TMPRSS11B: variants seen among roughly 807,000 people sequenced by gnomAD.
TMPRSS11B encodes the protein transmembrane serine protease 11B, also known as transmembrane protease serine 11B.
TMPRSS11B carries 53 observed loss-of-function variants against 44.7 expected under a neutral mutation model. The ratio of observed to expected loss-of-function variants is 1.19; its 90% confidence interval spans 0.95 to 1.49. TMPRSS11B has a LOEUF of 1.49. Among genes scored for constraint, TMPRSS11B ranks in the 40% most tolerant of loss-of-function variants. The pLI is 0.00. For synonymous variants in TMPRSS11B, 140 were observed against 159.2 expected (o/e 0.88, Z 0.91); for missense variants, 526 against 494.8 (o/e 1.06, Z -0.60).
At chr4:68,242,255 A>G (rs1343566800) in intron 1 of TMPRSS11B, among the ~76,000 whole-genome samples, 1 of 78,624 alleles carries the variant, frequency 1.3e-5, no homozygotes, top group East Asian at 2.8e-4. Context: ...TATATATATT[A>G]TAATATATAT....
intron 2 of TMPRSS11B, 152 bp downstream of exon 2, chr4:68,241,537 A>G: frequency 3.5e-6 from 2 of 570,366 alleles, no homozygotes; most frequent in Non-Finnish European, 6.1e-6. Flanking sequence ...AAAAAATTTT[A>G]TAAATTTCTG....
intron 6 of TMPRSS11B, 58 bp from the exon 7 acceptor site, chr4:68,231,438 AAT>A (rs1719513848): frequency 6.9e-7 from 1 of 1,452,086 alleles, no homozygotes; most frequent in South Asian, 1.4e-5. Context: ...ATTATAAAAA[AAT>A]ATATCATTAA....
chr4:68,245,564 T>G lies in TMPRSS11B; in HGVS notation c.-6A>C. 1 of 1,613,558 alleles carries G rather than the reference T, an allele frequency of 6.2e-7. No individual in the cohort carries two copies. On this transcript the variant is annotated 5_prime_UTR_variant, in exon 1 of 10. Transcript: ENST00000332644. ...AGTCCCCTTTACCTGTACATAATGT[T>G]CTGATTGTTATGGCAGTATCAGGTA...
Position 68,236,587 on chromosome 4 carries a change from G to A in TMPRSS11B, c.125-321C>T, listed in dbSNP as rs150239254. On this transcript the variant is annotated intron_variant, in intron 2 of 9. Transcript: ENST00000332644. ...CCATATCATTCATTCAATGATCCCC[G>A]CTTTCCCTTTATGTGATAATAGACA... 4.7e-3 allele frequency among the ~76,000 whole-genome samples: 722 copies of A among 152,134 alleles called. 7 individuals are homozygous for A. Among genetic ancestry groups the A allele is most frequent in the Middle Eastern group, 6.8e-3 (2 of 294 alleles).
intron 1 of TMPRSS11B, among the ~76,000 whole-genome samples, chr4:68,244,257 A>G (rs1293703489): frequency 1.3e-5 from 2 of 152,236 alleles, no homozygotes; most frequent in Non-Finnish European, 2.9e-5. Flanking sequence ...TTAATCTTCA[A>G]TGAATTTAAC....
Position 68,231,277 on chromosome 4 carries a change from C to T in TMPRSS11B, c.612G>A (p.Trp204Ter). 6.2e-7 allele frequency: 1 copy of T among 1,613,964 alleles called. No homozygotes were observed. Among genetic ancestry groups the T allele is most frequent in the Non-Finnish European group, 8.5e-7 (1 of 1,179,994 alleles). The change falls in exon 7 of 10, where the codon TGG becomes TGA. Residue 204 changes from tryptophan (W) to a stop codon, truncating the protein, a stop_gained. Transcript: ENST00000332644. LOFTEE classifies it high-confidence loss of function. ...GAWPWQASMQ[W>*]KGRHYCGASL... ...AGGCTCCACAGTAGTGACGGCCTTTCCATTGCATGCTGGCCTGCCATGGCC... is the reference window on the plus strand; with the variant it reads ...AGGCTCCACAGTAGTGACGGCCTTTTCATTGCATGCTGGCCTGCCATGGCC...
intron 2 of TMPRSS11B, among the ~76,000 whole-genome samples, chr4:68,237,049 A>T (rs999763523): frequency 6.6e-6 from 1 of 151,872 alleles, no homozygotes; most frequent in Non-Finnish European, 1.5e-5. Context: ...TCAACCTGCC[A>T]TCTACATTAG....
At chr4:68,235,645 TG>T (rs1307957835) in intron 4 of TMPRSS11B, among the ~76,000 whole-genome samples, 2 of 152,174 alleles carry the variant, frequency 1.3e-5, no homozygotes, top group Non-Finnish European at 2.9e-5. Flanking sequence ...ACAAACCAGT[TG>T]AATTATTTGT....
intron 2 of TMPRSS11B, among the ~76,000 whole-genome samples, chr4:68,239,888 G>A (rs984669748): frequency 6.6e-6 from 1 of 152,078 alleles, no homozygotes; most frequent in Non-Finnish European, 1.5e-5. Flanking sequence ...AAGAAGCTAG[G>A]GTTTGGAACT....
rs1449826288 is a variant in TMPRSS11B at position 68,229,718 on chromosome 4, G to T, written c.687-202C>A. 11 of 452,612 alleles carry T rather than the reference G, an allele frequency of 2.4e-5. 1 individual carries two copies. In the South Asian group the frequency reaches 3.9e-4, roughly 16 times the overall value. 28.0% of individuals were successfully genotyped at this position (452,612 alleles called of 1,614,324 possible). ...AAAATAATGCTAAGGACTCAGATTT[G>T]TCAGCTTTCTGAAGATCTTTTCAAG... On this transcript the variant is annotated intron_variant, in intron 7 of 9. Coordinates refer to ENST00000332644, the MANE Select transcript of TMPRSS11B (RefSeq NM_182502.3).
At chr4:68,241,223 A>G (rs1396096642) in intron 2 of TMPRSS11B, among the ~76,000 whole-genome samples, 1 of 152,160 alleles carries the variant, frequency 6.6e-6, no homozygotes, top group East Asian at 1.9e-4. Context: ...TAAAAATAAA[A>G]CCATGTTTGT....
Position 68,229,251 on chromosome 4 carries a change from A to G in TMPRSS11B, c.946+6T>C. On this transcript the variant is annotated splice_donor_region_variant and intron_variant, in intron 8 of 9. Transcript: ENST00000332644. ...GCAGCTATTATGATTTTACAAAAAA[A>G]CTTACCATTCATATAAAGTGTTCCC... 1 of 1,582,530 alleles carries G rather than the reference A, an allele frequency of 6.3e-7. No individual in the cohort carries two copies. Among genetic ancestry groups the G allele is most frequent in the Non-Finnish European group, 8.6e-7 (1 of 1,165,528 alleles).
In TMPRSS11B at chr4:68,241,772, A is replaced by G; in HGVS notation, c.41T>C (p.Leu14Pro). 1.2e-6 allele frequency: 2 copies of G among 1,613,416 alleles called. No homozygotes were observed. Among genetic ancestry groups the G allele is most frequent in the Middle Eastern group, 1.7e-4 (1 of 6,052 alleles). ...AAGAAAAATAAAGATCGTAGTCCAT[A>G]GTGGCCAAGATCTTTGGGAAGATAT... ...HGISSQRSWP[L>P]WTTIFIFLGV... The change falls in exon 2 of 10, where the codon CTA (leucine) becomes CCA (proline). Residue 14 changes from leucine to proline, a missense_variant. Transcript: ENST00000332644.
intron 7 of TMPRSS11B, among the ~76,000 whole-genome samples, chr4:68,230,702 G>T (rs1020897205): frequency 4.6e-5 from 7 of 151,848 alleles, no homozygotes; most frequent in Non-Finnish European, 7.4e-5. Context: ...TACTCAGGAG[G>T]CTGAGACAGG....
chr4:68,231,590 A>G (rs1385976808), intron 6 of TMPRSS11B, among the ~76,000 whole-genome samples: 1 of 152,190 alleles, frequency 6.6e-6, no homozygotes, highest in Non-Finnish European at 1.5e-5. Context: ...AGTCTCAAGC[A>G]TCTTTCAACC....
In TMPRSS11B at chr4:68,228,722, G is replaced by A; in HGVS notation, c.1089+20C>T. ...TTGATTAACTGGGAGAAAACAACTG[G>A]ATAATGTAACTAGACATACCTGACA... On this transcript the variant is annotated intron_variant, in intron 9 of 9. Transcript: ENST00000332644. 1 of 1,582,048 alleles carries A rather than the reference G, an allele frequency of 6.3e-7. No individual in the cohort carries two copies. Among genetic ancestry groups the A allele is most frequent in the Non-Finnish European group, 8.6e-7 (1 of 1,169,422 alleles).
intron 4 of TMPRSS11B, among the ~76,000 whole-genome samples, chr4:68,235,224 C>G (rs1387100933): frequency 6.6e-6 from 1 of 152,150 alleles, no homozygotes; most frequent in Admixed American, 6.5e-5. Context: ...TTTTGGAAGA[C>G]TTTCAAACCA....
At chr4:68,236,349 T>C in intron 2 of TMPRSS11B, 83 bp from the exon 3 acceptor site, 2 of 799,038 alleles carry the variant, frequency 2.5e-6, no homozygotes, top group East Asian at 5.3e-5. Context: ...GCCTCAACAT[T>C]CCACCCAGCT....
At chr4:68,229,026 G>C in intron 8 of TMPRSS11B, 142 bp from the exon 9 acceptor site, 1 of 1,001,398 alleles carries the variant, frequency 1.0e-6, no homozygotes, top group Non-Finnish European at 1.4e-6. Flanking sequence ...TCAGGTGTTT[G>C]TAATAGTTGG....
Sources: allele counts gnomAD v4.1 joint callset (sites outside exome capture counted in the v4.1 genomes callset), GRCh38; gene constraint gnomAD v4.1.1; transcripts MANE v1.5; gene names NCBI Gene and HGNC (gene_info 2026-07-23, HGNC 2026-07-21).